The following DSC3 variants were observed in gnomAD, a reference collection of about 807,000 sequenced individuals.
The protein encoded by DSC3 is desmocollin 3.
DSC3 carries 97 observed loss-of-function variants against 89.5 expected under a neutral mutation model. The ratio of observed to expected loss-of-function variants is 1.08; its 90% CI spans 0.92 to 1.28. The LOEUF (loss-of-function observed/expected upper bound fraction) is 1.28, where lower values mean the gene tolerates loss of function less well. Among genes scored for constraint, DSC3 ranks in the 50% most tolerant of loss-of-function variants. The pLI, the probability that DSC3 is intolerant of heterozygous loss-of-function variation, is 0.00. For synonymous variants in DSC3, 436 were observed against 384.1 expected (o/e 1.14, Z -1.58); for missense variants, 1,199 against 1,085.3 (o/e 1.10, Z -1.47).
At chr18:31,016,045 G>A (rs943635084) in intron 9 of DSC3, among the ~76,000 whole-genome samples, 14 of 152,022 alleles carry the variant, frequency 9.2e-5, no homozygotes, top group Admixed American at 5.2e-4. Flanking sequence ...TCCCACCAGC[G>A]CCATGATGGT....
chr18:31,004,356 G>T lies in DSC3; in HGVS notation c.1899C>A (p.Ala633=), dbSNP rs1477045738. 6.2e-7 allele frequency: 1 copy of T among 1,613,454 alleles called. No homozygotes were observed. The highest frequency in any genetic ancestry group is 2.2e-5 in the East Asian group (1 of 44,868). Residue 633 remains alanine, a synonymous_variant, in exon 13 of 16, where the codon GCC becomes GCA. Coordinates refer to ENST00000360428, the MANE Select transcript of DSC3 (RefSeq NM_001941.5). ...WSLTKVNDTA[A]RLSYQKNAGF... Reference sequence around the variant, plus strand: ...CAGCATTTTTCTGATATGAAAGACGGGCAGCTGTATCTGAAAGAAAATAAA... The same window carrying T: ...CAGCATTTTTCTGATATGAAAGACGTGCAGCTGTATCTGAAAGAAAATAAA...
chr18:31,001,488 G>A lies in DSC3; in HGVS notation c.2235+130C>T, dbSNP rs926865020. The A allele has an allele frequency of 4.8e-6, 5 of 1,038,034 alleles. No homozygotes were observed. The African/African-American group carries it at 4.8e-5, about 10-fold the overall frequency. 64.3% of individuals were successfully genotyped at this position (1,038,034 alleles called of 1,614,324 possible). A position where few individuals can be genotyped will look rare whatever the true frequency, so the allele number is the denominator to read the frequency against. ...CTATATAAACATATGAATATTGACA[G>A]ACAATATCTATGCCTATGAAATCTG... is the stretch of plus-strand genomic sequence containing the variant. On this transcript the variant is annotated intron_variant, in intron 14 of 15. Coordinates refer to ENST00000360428, the MANE Select transcript of DSC3 (RefSeq NM_001941.5).
intron 14 of DSC3, among the ~76,000 whole-genome samples, chr18:31,001,232 A>G (rs2144680432): frequency 6.6e-6 from 1 of 151,470 alleles, no homozygotes; most frequent in Non-Finnish European, 1.5e-5. Context: ...TCTCATTGAT[A>G]TTTTCCTAGC....
In DSC3 at chr18:30,997,047, C is replaced by A; in HGVS notation, c.2237G>T (p.Cys746Phe). ...TTGGGTCATAAATCCATTGGCAGAG[C>A]ACTGAAATAATAAAATGAAATAATT... ...NTEAPGDDRV[C>F]SANGFMTQTT... The change falls in exon 15 of 16, where the codon TGC becomes TTC. Residue 746 changes from cysteine (C) to phenylalanine (F), a missense_variant and splice_region_variant. Physicochemically the swap from Cys to Phe is radical, Grantham distance 205. Coordinates refer to ENST00000360428, the MANE Select transcript of DSC3 (RefSeq NM_001941.5). 6.2e-7 allele frequency: 1 copy of A among 1,614,092 alleles called. No homozygotes were observed. The highest frequency in any genetic ancestry group is 8.5e-7 in the Non-Finnish European group (1 of 1,179,998).
Position 31,029,534 on chromosome 18 carries a change from C to A in DSC3, c.449G>T (p.Gly150Val). The A allele has an allele frequency of 3.7e-6, 6 of 1,613,838 alleles. No homozygotes were observed. The South Asian group carries it at 6.6e-5, about 18-fold the overall frequency. ...IPCSMQENSLGPFPLFLQQVE... is the reference protein window; with the variant it reads ...IPCSMQENSLVPFPLFLQQVE... ...TTGTTGAAGAAACAATGGGAAAGGG[C>A]CCAAGGAATTCTCTTGCATAGAGCA... Residue 150 changes from glycine to valine, a missense_variant, in exon 4 of 16, where the codon GGC (glycine) becomes GTC (valine). By Grantham distance (109) the Gly-to-Val change is moderately radical. Transcript: ENST00000360428.
At chr18:31,015,970 G>A (rs972152228) in intron 9 of DSC3, among the ~76,000 whole-genome samples, 1 of 152,126 alleles carries the variant, frequency 6.6e-6, no homozygotes, top group Admixed American at 6.6e-5. Context: ...TGAGGACAGA[G>A]ACCTCTAGTT....
intron 14 of DSC3, 113 bp downstream of exon 14, chr18:31,001,505 T>C: frequency 7.9e-7 from 1 of 1,261,924 alleles, no homozygotes; most frequent in South Asian, 1.4e-5. Flanking sequence ...TCTATGCCTA[T>C]GAAATCTGAT....
chr18:31,017,597 G>A (rs1321773233), intron 9 of DSC3, among the ~76,000 whole-genome samples: 1 of 152,148 alleles, frequency 6.6e-6, no homozygotes, highest in Non-Finnish European at 1.5e-5. Context: ...TAGAGAAAAT[G>A]AGAAGAATAT....
rs772200382 is a variant in DSC3, at chr18:31,030,925, G to C, written c.354+48C>G. 2.7e-6 allele frequency: 4 copies of C among 1,486,036 alleles called. No individual in the cohort carries two copies. The Admixed American group carries it at 7.2e-5, about 27-fold the overall frequency. The allele number at this position is 1,486,036 out of a possible 1,614,324, so 92.1% of individuals were successfully genotyped here. A position where few individuals can be genotyped will look rare whatever the true frequency, so the allele number is the denominator to read the frequency against. On this transcript the variant is annotated intron_variant, in intron 3 of 15. Transcript: ENST00000360428. ...TTTCTCTTTGCAATTTTTAATAAGA[G>C]TATTTTAATGAAAAAATGACTGAAA...
chr18:31,004,084 T>G, intron 13 of DSC3, 58 bp downstream of exon 13: 1 of 1,349,464 alleles, frequency 7.4e-7, no homozygotes, highest in South Asian at 1.2e-5. Context: ...TAAACATCTT[T>G]TCCCACACCT....
chr18:31,029,702 C>T lies in DSC3; in HGVS notation c.355-74G>A, dbSNP rs186088566. ...CTACTTTGTGTAAAATAGTGGACAG[C>T]TCATAAACCTAATCCTTCTTTGGAG... On this transcript the variant is annotated intron_variant, in intron 3 of 15. Coordinates refer to ENST00000360428, the MANE Select transcript of DSC3 (RefSeq NM_001941.5). 3.2e-6 allele frequency: 5 copies of T among 1,573,512 alleles called. No individual in the cohort carries two copies. The East Asian group carries it at 9.0e-5, about 28-fold the overall frequency.
chr18:31,034,117 G>T (rs1567962261), intron 1 of DSC3, among the ~76,000 whole-genome samples: 1 of 152,150 alleles, frequency 6.6e-6, no homozygotes, highest in Non-Finnish European at 1.5e-5. Flanking sequence ...GAGCCACCGC[G>T]CCCGGCCTGA....
At chr18:30,995,081 A>G (rs1200433654) in intron 15 of DSC3, among the ~76,000 whole-genome samples, 1 of 152,240 alleles carries the variant, frequency 6.6e-6, no homozygotes. Context: ...CTGGGCTTTT[A>G]TAATGAAGAC....
chr18:31,032,575 TGTGTGTGTGTGTGTGC>T (rs1160057833), intron 1 of DSC3, among the ~76,000 whole-genome samples: 21 of 131,548 alleles, frequency 1.6e-4, no homozygotes, highest in Admixed American at 1.1e-3. Flanking sequence ...TGTGTGTGTG[TGTGTGTGTGTGTGTGC>T]GTGTGCGTGT....
rs540946012 is a variant in DSC3 at position 31,041,003 on chromosome 18, A to T, written c.69+1589T>A. Among the ~76,000 whole-genome samples, 346 of 57,232 alleles carry T rather than the reference A, an allele frequency of 6.0e-3. 3 individuals carry two copies. The highest frequency in any genetic ancestry group is 0.028 in the African/African-American group (337 of 12,000). The allele number at this position is 57,232 out of a possible 152,430, so 37.5% of individuals were successfully genotyped here. On this transcript the variant is annotated intron_variant, in intron 1 of 15. Transcript: ENST00000360428. ...AACCTAAACTCAACGGAATTATTTT[A>T]AAAAAAAAAAATCTTAAACGAGTAT...
In DSC3 at chr18:31,004,124, G is replaced by C. The variant is rs1281918857; in HGVS notation, c.2113+18C>G. The C allele has an allele frequency of 6.4e-7, 1 of 1,568,268 alleles. No homozygotes were observed. The highest frequency in any genetic ancestry group is 1.4e-5 in the African/African-American group (1 of 73,932). ...TTTTTATTATATATTTTAACTTCAA[G>C]AAAGTGAAAATACTTACAAAAGAGC... On this transcript the variant is annotated intron_variant, in intron 13 of 15. Coordinates refer to ENST00000360428, the MANE Select transcript of DSC3 (RefSeq NM_001941.5).
At chr18:31,018,632 A>T (rs754573436) in intron 8 of DSC3, 34 bp downstream of exon 8, 3 of 1,605,134 alleles carry the variant, frequency 1.9e-6, no homozygotes, top group Non-Finnish European at 2.6e-6. Flanking sequence ...GATAGCAGAT[A>T]AGACAGAGGC....
In DSC3 at chr18:31,004,285, C is replaced by T; in HGVS notation, c.1970G>A (p.Gly657Asp). Residue 657 changes from glycine (G) to aspartate (D), a missense_variant, in exon 13 of 16, where the codon GGC becomes GAC. Transcript: ENST00000360428. ...TCTCAATAATTTTGTTGCAGCTTGG[C>T]CGGCCCTGTCTTTTACAGTAATAGG... ...TIPITVKDRA[G>D]QAATKLLRVN... is the part of the protein sequence containing the mutation. 6.2e-7 allele frequency: 1 copy of T among 1,614,020 alleles called. No homozygotes were observed. Among genetic ancestry groups the T allele is most frequent in the Non-Finnish European group, 8.5e-7 (1 of 1,179,944 alleles).
Position 31,007,020 on chromosome 18 carries a change from G to A in DSC3, c.1775C>T (p.Thr592Ile), listed in dbSNP as rs1437309310. 1 of 1,613,526 alleles carries A rather than the reference G, an allele frequency of 6.2e-7. No individual in the cohort carries two copies. The change falls in exon 12 of 16, where the codon ACC becomes ATC. Residue 592 changes from threonine to isoleucine, a missense_variant. Transcript: ENST00000360428. ...VVICKPKMGY[T>I]DILAVDPDEP... ...ATCAGGATCAACAGCTAAAATGTCG[G>A]TATACCCCATTTTTGGTTTGCAAAT...
Sources: gnomAD v4.1 joint callset for allele counts (sites outside exome capture counted in the v4.1 genomes callset) on GRCh38, gnomAD v4.1.1 for gene constraint, MANE v1.5 for transcripts, NCBI Gene and HGNC (gene_info 2026-07-23, HGNC 2026-07-21) for gene names.